The following HPSE2 variants were observed in gnomAD, a reference collection of about 807,000 sequenced individuals.
The protein encoded by HPSE2 is inactive heparanase-2.
A neutral mutation model predicts 60.5 loss-of-function variants in HPSE2; 38 were observed. The observed-to-expected ratio is 0.63, with a 90% CI of 0.48 to 0.82. The LOEUF is 0.82. Ranked by LOEUF, HPSE2 falls within the 40% of genes least tolerant of loss-of-function variation. The probability of loss-of-function intolerance (pLI) is 0.00; values close to 1 mark genes in which losing one functional copy is unlikely to be tolerated. For missense variants in HPSE2, 713 were observed against 740.4 expected (o/e 0.96, Z 0.43); for synonymous variants, 295 against 293.2 (o/e 1.01, Z -0.06).
chr10:98,725,759 C>T (rs1232099903), intron 4 of HPSE2, among the ~76,000 whole-genome samples: 2 of 152,200 alleles, frequency 1.3e-5, no homozygotes, highest in Non-Finnish European at 2.9e-5. Context: ...GGGCTAATAT[C>T]CAGAATCTAC....
chr10:98,582,212 G>A (rs1049605130), intron 9 of HPSE2, among the ~76,000 whole-genome samples: 3 of 152,122 alleles, frequency 2.0e-5, no homozygotes, highest in East Asian at 3.8e-4. Context: ...AAATGTAAAC[G>A]GAAAGAGTAC....
intron 6 of HPSE2, among the ~76,000 whole-genome samples, chr10:98,666,127 T>C (rs1364035953): frequency 2.0e-5 from 3 of 151,536 alleles, no homozygotes; most frequent in Admixed American, 2.0e-4. Flanking sequence ...AGAACAGGAG[T>C]AGCTATTCTT....
chr10:98,479,149 A>G lies in HPSE2; in HGVS notation c.1613+3487T>C, dbSNP rs547156752. ...ATTACCCCATGTCCTCGAGCAATCA[A>G]AGAAGTCTTCTGGCCTCTCCCTACT... On this transcript the variant is annotated intron_variant, in intron 11 of 11. Transcript: ENST00000370552. Among the ~76,000 whole-genome samples, 3 of 152,310 alleles carry G rather than the reference A, an allele frequency of 2.0e-5. No individual in the cohort carries two copies. The East Asian group carries it at 5.8e-4, about 29-fold the overall frequency.
At chr10:99,243,558 T>C in the HPSE2 span, among the ~76,000 whole-genome samples, 1 of 152,232 alleles carries the variant, frequency 6.6e-6, no homozygotes, top group East Asian at 1.9e-4. Context: ...GTTGTTTTTA[T>C]ATGTACTGTT....
chr10:99,003,588 T>C (rs892112786), intron 3 of HPSE2, among the ~76,000 whole-genome samples: 2 of 152,138 alleles, frequency 1.3e-5, no homozygotes, highest in African/African-American at 4.8e-5. Context: ...TCTCTGATGG[T>C]TAAGCACATT....
At chr10:99,109,125 A>G (rs1293279897) in intron 3 of HPSE2, among the ~76,000 whole-genome samples, 2 of 152,194 alleles carry the variant, frequency 1.3e-5, no homozygotes, top group Non-Finnish European at 2.9e-5. Flanking sequence ...ACATATACAA[A>G]TCAAGTCTTT....
chr10:98,800,381 A>G (rs554276252), intron 3 of HPSE2, among the ~76,000 whole-genome samples: 54 of 148,412 alleles, frequency 3.6e-4, no homozygotes, highest in African/African-American at 1.3e-3. Flanking sequence ...AAAAATATAT[A>G]AAATATATAC....
At chr10:98,816,300 G>C (rs964890199) in intron 3 of HPSE2, among the ~76,000 whole-genome samples, 13 of 151,968 alleles carry the variant, frequency 8.6e-5, no homozygotes, top group African/African-American at 3.1e-4. Context: ...ACAGTCAAAG[G>C]TGTTTCTCAA....
At chr10:99,006,331 G>A (rs1348267611) in intron 3 of HPSE2, among the ~76,000 whole-genome samples, 5 of 152,124 alleles carry the variant, frequency 3.3e-5, no homozygotes, top group Non-Finnish European at 7.4e-5. Flanking sequence ...GGATCTGTTG[G>A]ACCTTGTGGC....
At chr10:98,811,431 A>C (rs1028754962) in intron 3 of HPSE2, among the ~76,000 whole-genome samples, 1 of 152,178 alleles carries the variant, frequency 6.6e-6, no homozygotes, top group Non-Finnish European at 1.5e-5. Flanking sequence ...GTAGGTGCTC[A>C]ATAAATATTT....
At chr10:98,745,501 C>T (rs1949607868) in intron 3 of HPSE2, among the ~76,000 whole-genome samples, 1 of 152,186 alleles carries the variant, frequency 6.6e-6, no homozygotes, top group African/African-American at 2.4e-5. Flanking sequence ...TTCAAGGCTT[C>T]TACAACTCAC....
chr10:98,788,479 C>G (rs1046084788), intron 3 of HPSE2, among the ~76,000 whole-genome samples: 6 of 139,886 alleles, frequency 4.3e-5, no homozygotes, highest in East Asian at 2.2e-4. Flanking sequence ...CCACCCAGTT[C>G]GAGCTTCCCG....
At chr10:99,069,730 T>C (rs1168520707) in intron 3 of HPSE2, among the ~76,000 whole-genome samples, 10 of 151,860 alleles carry the variant, frequency 6.6e-5, no homozygotes, top group Non-Finnish European at 1.5e-4. Flanking sequence ...TAGTATTTAC[T>C]TAGTACTCAG....
At chr10:98,842,442 T>G (rs2134696243) in intron 3 of HPSE2, among the ~76,000 whole-genome samples, 1 of 152,124 alleles carries the variant, frequency 6.6e-6, no homozygotes, top group African/African-American at 2.4e-5. Context: ...TTTGCCAATC[T>G]GTCATGTCAA....
chr10:98,760,412 G>A (rs1949979730), intron 3 of HPSE2, among the ~76,000 whole-genome samples: 1 of 151,976 alleles, frequency 6.6e-6, no homozygotes, highest in Non-Finnish European at 1.5e-5. Flanking sequence ...GCTTTTTACT[G>A]TTGAATATGA....
chr10:98,767,188 T>C (rs1950138963), intron 3 of HPSE2, among the ~76,000 whole-genome samples: 1 of 152,170 alleles, frequency 6.6e-6, no homozygotes, highest in Non-Finnish European at 1.5e-5. Context: ...GAGAAGCTTT[T>C]TCACTTGTGT....
At chr10:98,493,251 T>C (rs985252200) in intron 9 of HPSE2, among the ~76,000 whole-genome samples, 1 of 152,240 alleles carries the variant, frequency 6.6e-6, no homozygotes, top group African/African-American at 2.4e-5. Flanking sequence ...ATGTCCCATA[T>C]GCAATGAGAA....
intron 3 of HPSE2, among the ~76,000 whole-genome samples, chr10:98,804,223 A>T (rs1255021298): frequency 6.6e-6 from 1 of 151,860 alleles, no homozygotes; most frequent in Non-Finnish European, 1.5e-5. Flanking sequence ...AGATTTTGGC[A>T]AAATTTCTTA....
intron 3 of HPSE2, among the ~76,000 whole-genome samples, chr10:99,007,200 G>A (rs1052724196): frequency 6.6e-6 from 1 of 151,604 alleles, no homozygotes; most frequent in Non-Finnish European, 1.5e-5. Context: ...TTCAGGATCT[G>A]GTCTGACACC....
Sources: gnomAD v4.1 joint callset for allele counts (sites outside exome capture counted in the v4.1 genomes callset) on GRCh38, gnomAD v4.1.1 for gene constraint, MANE v1.5 for transcripts, NCBI Gene and HGNC (gene_info 2026-07-23, HGNC 2026-07-21) for gene names.